Variants in DPYD observed in about 807,000 individuals in gnomAD.
The protein encoded by DPYD is dihydropyrimidine dehydrogenase.
A neutral mutation model predicts 116.2 loss-of-function variants in DPYD; 109 were observed. That is an observed-to-expected ratio of 0.94 (90% CI 0.80 to 1.10). The LOEUF is 1.10. Ranked by LOEUF, DPYD falls within the 50% of genes least tolerant of loss-of-function variation. The pLI, the probability that DPYD is intolerant of heterozygous loss-of-function variation, is 0.00. For synonymous variants in DPYD, 440 were observed against 432.0 expected (o/e 1.02, Z -0.23); for missense variants, 1,302 against 1,254.5 (o/e 1.04, Z -0.57).
intron 12 of DPYD, among the ~76,000 whole-genome samples, chr1:97,533,053 A>T (rs1481739013): frequency 6.6e-6 from 1 of 151,686 alleles, no homozygotes; most frequent in Non-Finnish European, 1.5e-5. Context: ...TCTTGCATTA[A>T]GTTTTTTTTT....
At chr1:97,572,032 T>C (rs1652934947) in intron 11 of DPYD, among the ~76,000 whole-genome samples, 1 of 151,952 alleles carries the variant, frequency 6.6e-6, no homozygotes, top group Non-Finnish European at 1.5e-5. Context: ...CTGGTAAAGT[T>C]AGTAATTCTA....
chr1:97,236,418 T>C (rs555215057), intron 18 of DPYD, among the ~76,000 whole-genome samples: 1 of 151,614 alleles, frequency 6.6e-6, no homozygotes, highest in Admixed American at 6.6e-5. Context: ...TAAAATAAAA[T>C]AATTAAATAA....
At chr1:97,499,220 T>C (rs1679441174) in intron 13 of DPYD, among the ~76,000 whole-genome samples, 2 of 151,796 alleles carry the variant, frequency 1.3e-5, no homozygotes, top group South Asian at 4.1e-4. Context: ...TTTAGCCTTG[T>C]ATTCCTTTGG....
At chr1:97,591,577 A>G (rs1188033464) in intron 10 of DPYD, among the ~76,000 whole-genome samples, 2 of 152,232 alleles carry the variant, frequency 1.3e-5, no homozygotes, top group Non-Finnish European at 2.9e-5. Flanking sequence ...AGAAATAACC[A>G]CCATTCATTT....
At chr1:97,886,366 A>C (rs1451438225) in intron 1 of DPYD, among the ~76,000 whole-genome samples, 1 of 152,010 alleles carries the variant, frequency 6.6e-6, no homozygotes, top group Non-Finnish European at 1.5e-5. Context: ...ACTAAAGTGC[A>C]GCTGACAGGT....
intron 16 of DPYD, among the ~76,000 whole-genome samples, chr1:97,358,297 G>A (rs1376491617): frequency 6.6e-6 from 1 of 152,204 alleles, no homozygotes; most frequent in Non-Finnish European, 1.5e-5. Context: ...ATAGCAGCTG[G>A]GGAAGCTAGA....
At chr1:97,212,883 C>G (rs1660129316) in intron 19 of DPYD, among the ~76,000 whole-genome samples, 1 of 152,066 alleles carries the variant, frequency 6.6e-6, no homozygotes, top group Non-Finnish European at 1.5e-5. Flanking sequence ...AGAATGAGGA[C>G]AGTAATAACA....
intron 5 of DPYD, among the ~76,000 whole-genome samples, chr1:97,700,883 A>G (rs1254020663): frequency 6.6e-6 from 1 of 151,756 alleles, no homozygotes; most frequent in African/African-American, 2.4e-5. Context: ...TATTTAGCAA[A>G]AAAAATAACT....
chr1:97,871,233 T>C (rs749842675), intron 2 of DPYD, among the ~76,000 whole-genome samples: 1 of 151,926 alleles, frequency 6.6e-6, no homozygotes, highest in Non-Finnish European at 1.5e-5. Context: ...ACAATTCCAG[T>C]TTAATATTTA....
intron 19 of DPYD, among the ~76,000 whole-genome samples, chr1:97,223,856 A>C (rs1660939269): frequency 6.6e-6 from 1 of 152,094 alleles, no homozygotes; most frequent in African/African-American, 2.4e-5. Context: ...ACTGTTTTGA[A>C]GGTGAATTAC....
chr1:97,181,919 T>C (rs745470816), intron 20 of DPYD, among the ~76,000 whole-genome samples: 1 of 152,186 alleles, frequency 6.6e-6, no homozygotes, highest in African/African-American at 2.4e-5. Context: ...TGTACATATA[T>C]GATTTCTAAT....
chr1:97,401,177 G>A (rs1247144628), intron 14 of DPYD, among the ~76,000 whole-genome samples: 1 of 151,990 alleles, frequency 6.6e-6, no homozygotes, highest in Non-Finnish European at 1.5e-5. Flanking sequence ...TTTTCTTATT[G>A]TTGAGTTTTA....
chr1:97,199,434 C>A (rs1659051129), intron 19 of DPYD, among the ~76,000 whole-genome samples: 1 of 152,022 alleles, frequency 6.6e-6, no homozygotes, highest in Admixed American at 6.6e-5. Flanking sequence ...ACATAGGAAA[C>A]TAAAAGGCAA....
intron 4 of DPYD, among the ~76,000 whole-genome samples, chr1:97,728,068 CTA>C (rs1485527786): frequency 6.6e-6 from 1 of 151,872 alleles, no homozygotes; most frequent in Non-Finnish European, 1.5e-5. Flanking sequence ...ATGTACAGAG[CTA>C]TGTCAGGAGG....
intron 12 of DPYD, among the ~76,000 whole-genome samples, chr1:97,520,376 T>C (rs1373597612): frequency 1.3e-5 from 2 of 152,152 alleles, no homozygotes; most frequent in Non-Finnish European, 2.9e-5. Context: ...TCATAATCCT[T>C]CCAAACTCAA....
chr1:97,210,665 C>T (rs376182249), intron 19 of DPYD, among the ~76,000 whole-genome samples: 6 of 152,118 alleles, frequency 3.9e-5, no homozygotes, highest in African/African-American at 1.4e-4. Context: ...CATGCATTTT[C>T]AGGCTTGAGA....
intron 13 of DPYD, among the ~76,000 whole-genome samples, chr1:97,504,115 C>A (rs113123488): frequency 2.0e-5 from 3 of 151,980 alleles, no homozygotes; most frequent in African/African-American, 7.2e-5. Context: ...TTCTTTGGAG[C>A]ATGCTTCTGG....
At chr1:97,532,009 T>G (rs149204354) in intron 12 of DPYD, among the ~76,000 whole-genome samples, 91 of 151,988 alleles carry the variant, frequency 6.0e-4, no homozygotes, top group African/African-American at 2.1e-3. Flanking sequence ...TCTCCAGTTT[T>G]TGTGTGTGTG....
chr1:97,365,885 C>G (rs988815961), intron 16 of DPYD, among the ~76,000 whole-genome samples: 1 of 152,154 alleles, frequency 6.6e-6, no homozygotes, highest in Non-Finnish European at 1.5e-5. Flanking sequence ...CTTCCTGCCT[C>G]AGCCTCCCAA....
Sources: allele counts gnomAD v4.1 joint callset (sites outside exome capture counted in the v4.1 genomes callset), GRCh38; gene constraint gnomAD v4.1.1; transcripts MANE v1.5; gene names NCBI Gene and HGNC (gene_info 2026-07-23, HGNC 2026-07-21).